Variants in C3orf20 observed in about 807,000 individuals in gnomAD.
C3orf20 encodes the protein uncharacterized protein C3orf20.
In C3orf20, 76 loss-of-function variants were observed where a neutral mutation model predicts 88.3. The observed-to-expected ratio is 0.86, with a 90% CI of 0.72 to 1.04. The LOEUF is 1.04. C3orf20 is among the 50% of genes least tolerant of loss of function. The pLI is 0.00. For synonymous variants in C3orf20, 436 were observed against 437.4 expected (o/e 1.00, Z 0.04); for missense variants, 1,056 against 1,123.3 (o/e 0.94, Z 0.86).
intron 5 of C3orf20, among the ~76,000 whole-genome samples, chr3:14,693,287 C>A (rs900121656): frequency 2.6e-5 from 4 of 152,176 alleles, no homozygotes; most frequent in African/African-American, 9.7e-5. Flanking sequence ...ATAGCGATTG[C>A]ATTAAATCTG....
intron 12 of C3orf20, among the ~76,000 whole-genome samples, chr3:14,744,385 G>A (rs2035000415): frequency 6.6e-6 from 1 of 151,846 alleles, no homozygotes; most frequent in South Asian, 2.1e-4. Context: ...CCATATCGCT[G>A]TCAACATTTT....
At chr3:14,757,089 G>A (rs1212832718) in intron 12 of C3orf20, among the ~76,000 whole-genome samples, 3 of 152,218 alleles carry the variant, frequency 2.0e-5, no homozygotes, top group Admixed American at 6.5e-5. Context: ...AGATTAGATG[G>A]GATGTGTTCG....
intron 12 of C3orf20, 100 bp downstream of exon 12, chr3:14,728,788 C>A: frequency 3.3e-6 from 4 of 1,207,940 alleles, no homozygotes; most frequent in Non-Finnish European, 3.5e-6. Context: ...TCTTTTGGAG[C>A]TTAAATTCCA....
rs745556962 is a variant in C3orf20 at position 14,757,425 on chromosome 3, C to A, written c.1995C>A (p.Asp665Glu). The part of the protein sequence containing the change: ...SPTRWAALPS[D>E]CPLVLRKLML... ...CCAGGTGGGCGGCCTTGCCCTCAGACTGCCCGCTGGTGCTGCGGAAGCTCA... is the reference window on the plus strand; with the variant it reads ...CCAGGTGGGCGGCCTTGCCCTCAGAATGCCCGCTGGTGCTGCGGAAGCTCA... Residue 665 changes from aspartate to glutamate, a missense_variant, in exon 13 of 17, where the codon GAC (aspartate) becomes GAA (glutamate). Asp to Glu is a conservative substitution (Grantham distance 45). Coordinates refer to ENST00000253697, the MANE Select transcript of C3orf20 (RefSeq NM_032137.5). 1 of 1,612,056 alleles carries A rather than the reference C, an allele frequency of 6.2e-7. No individual in the cohort carries two copies. The highest frequency in any genetic ancestry group is 8.5e-7 in the Non-Finnish European group (1 of 1,179,894).
At chr3:14,756,449 T>C (rs2035375857) in intron 12 of C3orf20, among the ~76,000 whole-genome samples, 1 of 152,056 alleles carries the variant, frequency 6.6e-6, no homozygotes, top group Non-Finnish European at 1.5e-5. Context: ...GAACTTGCAT[T>C]CTAGTAGGAC....
At chr3:14,706,534 C>T (rs2033509261) in intron 7 of C3orf20, among the ~76,000 whole-genome samples, 1 of 137,170 alleles carries the variant, frequency 7.3e-6, no homozygotes, top group African/African-American at 2.7e-5. Context: ...TTCTGAGCAC[C>T]CTCCCACCCC....
intron 4 of C3orf20, among the ~76,000 whole-genome samples, chr3:14,684,997 G>A (rs2032319017): frequency 6.6e-6 from 1 of 152,288 alleles, no homozygotes; most frequent in Non-Finnish European, 1.5e-5. Context: ...CAGCTTGGGT[G>A]ACATAGTGAG....
rs1345471911 is a variant in C3orf20, at chr3:14,721,696, TCA to T, written c.1481_1482del (p.Thr494SerfsTer8). 1 of 1,613,964 alleles carries T rather than the reference TCA, an allele frequency of 6.2e-7. No homozygotes were observed. The highest frequency in any genetic ancestry group is 1.3e-5 in the African/African-American group (1 of 74,902). On this transcript the variant is annotated frameshift_variant, in exon 10 of 17. Coordinates refer to ENST00000253697, the MANE Select transcript of C3orf20 (RefSeq NM_032137.5). LOFTEE classifies it high-confidence loss of function. ...CTAAAGGTACTGGGACAGGACTCCA[TCA>T]CAGTCACCTTCACCTCCCTGAATGA...
chr3:14,764,043 T>C (rs1307889216), intron 15 of C3orf20, among the ~76,000 whole-genome samples: 1 of 151,538 alleles, frequency 6.6e-6, no homozygotes, highest in Non-Finnish European at 1.5e-5. Flanking sequence ...ACATACAAAC[T>C]ATAAACACAT....
At chr3:14,762,378 T>G (rs561621007) in intron 15 of C3orf20, among the ~76,000 whole-genome samples, 1 of 152,260 alleles carries the variant, frequency 6.6e-6, no homozygotes, top group African/African-American at 2.4e-5. Flanking sequence ...TAGCTTTGAG[T>G]GGCTCAAGAA....
At position 14,757,801 on chromosome 3, in the gene C3orf20, T is replaced by C. The variant is rs148716802; in HGVS notation, c.2244+127T>C. ...TGAGGGGCCACCCTCCTTCAGCTCC[T>C]TTCTCCTTGGAGTCTTTGTGTGTAC... On this transcript the variant is annotated intron_variant, in intron 13 of 16. Transcript: ENST00000253697. 1.4e-4 allele frequency: 120 copies of C among 830,592 alleles called. 1 individual carries two copies. In the African/African-American group the frequency reaches 1.9e-3, roughly 13 times the overall value. The allele number at this position is 830,592 out of a possible 1,614,324, so 51.5% of individuals were successfully genotyped here.
intron 10 of C3orf20, 85 bp from the exon 11 acceptor site, chr3:14,726,816 C>A: frequency 1.3e-6 from 2 of 1,582,806 alleles, no homozygotes; most frequent in Non-Finnish European, 1.7e-6. Flanking sequence ...TCCTCTGAAC[C>A]GGAGCAAGTC....
rs955502468 is a variant in C3orf20, at chr3:14,720,479, C to T, written c.1435-1174C>T. ...CTCAAAAGGAAGTTAAGCGTAGACC[C>T]CTGGGCAAGCAACTGGAATAGTAGA... On this transcript the variant is annotated intron_variant, in intron 9 of 16. Transcript: ENST00000253697. 4.6e-5 allele frequency among the ~76,000 whole-genome samples: 7 copies of T among 152,126 alleles called. 1 individual carries two copies. The highest frequency in any genetic ancestry group is 3.9e-4 in the Admixed American group (6 of 15,280).
chr3:14,734,197 A>G (rs2034630794), intron 12 of C3orf20, among the ~76,000 whole-genome samples: 1 of 152,056 alleles, frequency 6.6e-6, no homozygotes, highest in South Asian at 2.1e-4. Context: ...TTATTACTTT[A>G]TTAACTTTTA....
At chr3:14,681,422 GCACT>G (rs947152361) in intron 1 of C3orf20, among the ~76,000 whole-genome samples, 2 of 152,234 alleles carry the variant, frequency 1.3e-5, no homozygotes, top group East Asian at 1.9e-4. Context: ...TTGGACAGCT[GCACT>G]CACTCACAAG....
intron 1 of C3orf20, among the ~76,000 whole-genome samples, chr3:14,680,199 G>A (rs1287823673): frequency 1.3e-5 from 2 of 152,128 alleles, no homozygotes; most frequent in Non-Finnish European, 2.9e-5. Context: ...AAAAGCTTAT[G>A]TATGCATATT....
chr3:14,737,899 T>G (rs2034770165), intron 12 of C3orf20, among the ~76,000 whole-genome samples: 1 of 152,246 alleles, frequency 6.6e-6, no homozygotes, highest in African/African-American at 2.4e-5. Context: ...AGGAGTAGAT[T>G]CTATCTCAAC....
intron 15 of C3orf20, 150 bp from the exon 16 acceptor site, chr3:14,771,917 G>C: frequency 2.1e-6 from 2 of 965,842 alleles, no homozygotes; most frequent in South Asian, 1.7e-5. Context: ...CATGTCACTG[G>C]GTCCCCAAGG....
intron 15 of C3orf20, among the ~76,000 whole-genome samples, chr3:14,770,494 C>T (rs114192268): frequency 0.013 from 1,945 of 152,218 alleles, 37 homozygotes; most frequent in African/African-American, 0.044. Flanking sequence ...TTAGACAGCC[C>T]GTAAACACTG....
Sources: gnomAD v4.1 joint callset for allele counts (sites outside exome capture counted in the v4.1 genomes callset) on GRCh38, gnomAD v4.1.1 for gene constraint, MANE v1.5 for transcripts, NCBI Gene and HGNC (gene_info 2026-07-23, HGNC 2026-07-21) for gene names.